TMEM116: variants seen among roughly 807,000 people sequenced by gnomAD.
TMEM116 encodes transmembrane protein 116.
TMEM116 carries 38 observed loss-of-function variants against 44.3 expected under a neutral mutation model. The ratio of observed to expected loss-of-function variants is 0.86; its 90% CI spans 0.66 to 1.12. The LOEUF is 1.12. TMEM116 is among the 50% of genes most tolerant of loss of function. TMEM116 has a pLI of 0.00. For missense variants in TMEM116, 354 were observed against 401.7 expected (o/e 0.88, Z 1.01); for synonymous variants, 132 against 144.8 (o/e 0.91, Z 0.64).
chr12:111,933,805 C>T, intron 9 of TMEM116, 81 bp downstream of exon 9: 1 of 1,554,196 alleles, frequency 6.4e-7, no homozygotes, highest in Non-Finnish European at 8.7e-7. Flanking sequence ...CTCAGCCATC[C>T]TTCTTAGTGA....
intron 3 of TMEM116, among the ~76,000 whole-genome samples, chr12:111,996,736 T>C (rs1812906718): frequency 6.6e-6 from 1 of 152,182 alleles, no homozygotes; most frequent in Non-Finnish European, 1.5e-5. Flanking sequence ...CAAGAATGCT[T>C]ATACAATAAT....
intron 1 of TMEM116, chr12:112,011,195 G>T (rs2077821078): frequency 6.6e-6 from 1 of 152,340 alleles, no homozygotes; most frequent in Non-Finnish European, 1.5e-5. Context: ...ATGGCACCAG[G>T]GGCTCCTGCC....
chr12:111,945,792 T>A (rs896747624), intron 4 of TMEM116, among the ~76,000 whole-genome samples: 1 of 152,218 alleles, frequency 6.6e-6, no homozygotes, highest in African/African-American at 2.4e-5. Flanking sequence ...GTACAACTTA[T>A]AATTTTTCAA....
intron 4 of TMEM116, among the ~76,000 whole-genome samples, chr12:111,984,947 A>C (rs375846656): frequency 6.6e-6 from 1 of 152,276 alleles, no homozygotes; most frequent in African/African-American, 2.4e-5. Context: ...ATAAACGAAA[A>C]AGCAAAAACA....
At chr12:112,000,530 CTT>C (rs371150794) in intron 3 of TMEM116, among the ~76,000 whole-genome samples, 27 of 140,424 alleles carry the variant, frequency 1.9e-4, no homozygotes, top group Non-Finnish European at 1.7e-4. Context: ...ATTTTTTTTT[CTT>C]TTTTTTTTTT....
chr12:112,002,602 C>A (rs1425206517), intron 3 of TMEM116, among the ~76,000 whole-genome samples: 1 of 151,328 alleles, frequency 6.6e-6, no homozygotes, highest in Admixed American at 6.6e-5. Flanking sequence ...AAGCAAAAAA[C>A]CCCTGCTCTT....
chr12:112,004,380 G>C (rs959094726), intron 2 of TMEM116, among the ~76,000 whole-genome samples: 6 of 151,980 alleles, frequency 3.9e-5, no homozygotes, highest in African/African-American at 1.5e-4. Context: ...CAACTCCTGG[G>C]CTAAAGTGAT....
At chr12:111,988,861 G>A (rs1040447969) in intron 4 of TMEM116, among the ~76,000 whole-genome samples, 20 of 151,526 alleles carry the variant, frequency 1.3e-4, no homozygotes, top group Non-Finnish European at 1.9e-4. Context: ...GTGTGGTGGC[G>A]GGCGCCTGTA....
rs148551435 is a variant in TMEM116 at position 111,941,694 on chromosome 12, G to C, written c.315+1571C>G. Reference sequence around the variant, plus strand: ...GGATACTGCTTAAGGGCCTCTTCATGTTACTTTTTCAGTTATTTCCTCAGT... The same window carrying C: ...GGATACTGCTTAAGGGCCTCTTCATCTTACTTTTTCAGTTATTTCCTCAGT... On this transcript the variant is annotated intron_variant, in intron 5 of 10. Transcript: ENST00000552374. Among the ~76,000 whole-genome samples the C allele has an allele frequency of 1.9e-4, 29 of 152,228 alleles. 2 individuals are homozygous for C. The East Asian group carries it at 5.6e-3, about 29-fold the overall frequency.
chr12:112,010,565 T>G (rs1226059135), intron 1 of TMEM116: 1 of 152,284 alleles, frequency 6.6e-6, no homozygotes, highest in Non-Finnish European at 1.5e-5. Flanking sequence ...GGCTCCTCTC[T>G]GCAACTGATC....
At chr12:111,974,553 G>C (rs2136480399) in intron 4 of TMEM116, among the ~76,000 whole-genome samples, 1 of 151,818 alleles carries the variant, frequency 6.6e-6, no homozygotes, top group Admixed American at 6.6e-5. Flanking sequence ...ACCTACTAGG[G>C]AGGCTGAGGT....
At chr12:112,005,406 G>T in intron 1 of TMEM116, 103 bp from the exon 2 acceptor site, 1 of 845,480 alleles carries the variant, frequency 1.2e-6, no homozygotes, top group Non-Finnish European at 1.6e-6. Flanking sequence ...TTTCTTCAAA[G>T]CCTAATCTCA....
chr12:111,941,273 G>A (rs1302770823), intron 5 of TMEM116, among the ~76,000 whole-genome samples: 1 of 151,998 alleles, frequency 6.6e-6, no homozygotes, highest in Admixed American at 6.6e-5. Flanking sequence ...CTACTTGGGG[G>A]GCTGAGACAG....
intron 4 of TMEM116, among the ~76,000 whole-genome samples, chr12:111,954,059 C>T (rs751997538): frequency 2.4e-4 from 36 of 151,122 alleles, no homozygotes; most frequent in African/African-American, 4.4e-4. Context: ...AATAATTACA[C>T]GCCAATAAAG....
At chr12:111,983,881 A>G (rs530749468) in intron 4 of TMEM116, among the ~76,000 whole-genome samples, 2 of 152,296 alleles carry the variant, frequency 1.3e-5, no homozygotes, top group East Asian at 3.9e-4. Context: ...ACAAGAAAAG[A>G]ACAGACCAAT....
intron 7 of TMEM116, 43 bp downstream of exon 7, chr12:111,937,117 G>A: frequency 6.6e-7 from 1 of 1,511,186 alleles, no homozygotes; most frequent in African/African-American, 1.4e-5. Flanking sequence ...GAAACAAATA[G>A]GTGTAGTCTG....
chr12:111,931,917 G>A (rs2136211931), intron 10 of TMEM116, 90 bp from the exon 11 acceptor site: 1 of 923,572 alleles, frequency 1.1e-6, no homozygotes, highest in South Asian at 2.0e-5. Flanking sequence ...ATAAAGCATT[G>A]TTATATTTTC....
At chr12:111,955,864 T>G (rs2074054506) in intron 4 of TMEM116, among the ~76,000 whole-genome samples, 1 of 152,164 alleles carries the variant, frequency 6.6e-6, no homozygotes, top group Admixed American at 6.5e-5. Context: ...GTTTATAGCC[T>G]AGGAGCTGTA....
intron 3 of TMEM116, among the ~76,000 whole-genome samples, chr12:111,998,056 T>A (rs1194298880): frequency 6.6e-6 from 1 of 152,230 alleles, no homozygotes; most frequent in Admixed American, 6.5e-5. Flanking sequence ...GAAGCAAGAA[T>A]TGCATTTCAG....
Sources: gnomAD v4.1 joint callset for allele counts (sites outside exome capture counted in the v4.1 genomes callset) on GRCh38, gnomAD v4.1.1 for gene constraint, MANE v1.5 for transcripts, NCBI Gene and HGNC (gene_info 2026-07-23, HGNC 2026-07-21) for gene names.